The following SLC5A1 variants were observed in gnomAD, a reference collection of about 807,000 sequenced individuals.
SLC5A1 encodes the protein solute carrier family 5 member 1.
A neutral mutation model predicts 73.5 loss-of-function variants in SLC5A1; 42 were observed. That is an observed-to-expected ratio of 0.57 (90% confidence interval 0.45 to 0.74). The LOEUF is 0.74. SLC5A1 is among the 30% of genes least tolerant of loss of function. The pLI is 0.00. For synonymous variants in SLC5A1, 300 were observed against 317.4 expected, an observed-to-expected ratio of 0.95 and a Z score of 0.58; for missense variants, 634 against 855.4, an observed-to-expected ratio of 0.74 and a Z score of 3.23.
chr22:32,072,766 C>A (rs1243339160), intron 5 of SLC5A1, among the ~76,000 whole-genome samples: 1 of 152,180 alleles, frequency 6.6e-6, no homozygotes, highest in African/African-American at 2.4e-5. Flanking sequence ...ACATTTGGTT[C>A]TTTCTTTAAA....
Position 32,110,286 on chromosome 22 carries a change from TGAAGG to T in SLC5A1, c.*77_*81del. ...TTCCTTTAGTCTCGTCCTGTGGTGT[TGAAGG>T]GAAATCAGCCAGTTGTAAATTTTGC... On this transcript the variant is annotated 3_prime_UTR_variant, in exon 15 of 15. Transcript: ENST00000266088. The T allele has an allele frequency of 8.2e-7, 1 of 1,215,002 alleles. No individual in the cohort carries two copies. Among genetic ancestry groups the T allele is most frequent in the Non-Finnish European group, 1.2e-6 (1 of 822,548 alleles). 75.3% of individuals were successfully genotyped at this position (1,215,002 alleles called of 1,614,324 possible).
At chr22:32,050,318 A>G (rs1013653889) in intron 2 of SLC5A1, among the ~76,000 whole-genome samples, 4 of 152,238 alleles carry the variant, frequency 2.6e-5, no homozygotes, top group African/African-American at 4.8e-5. Flanking sequence ...GGCCCAAGGA[A>G]CATATCACAG....
At chr22:32,063,003 G>A (rs1242759282) in intron 2 of SLC5A1, among the ~76,000 whole-genome samples, 14 of 152,094 alleles carry the variant, frequency 9.2e-5, no homozygotes, top group Admixed American at 7.9e-4. Context: ...GCTTGTAGAC[G>A]GCTGCCTTTT....
chr22:32,053,392 CCT>C (rs151212121), intron 2 of SLC5A1, among the ~76,000 whole-genome samples: 6,788 of 151,794 alleles, frequency 0.045, 204 homozygotes, highest in Non-Finnish European at 0.07. Context: ...TTCTCTTTCC[CCT>C]CTCTTCTCTT....
At chr22:32,064,760 C>G (rs1569303816) in intron 2 of SLC5A1, among the ~76,000 whole-genome samples, 1 of 152,166 alleles carries the variant, frequency 6.6e-6, no homozygotes, top group Non-Finnish European at 1.5e-5. Context: ...CTGCTGTCAC[C>G]CTAGTCCAAG....
At chr22:32,066,853 A>G (rs1358243830) in intron 2 of SLC5A1, 82 bp from the exon 3 acceptor site, 5 of 943,572 alleles carry the variant, frequency 5.3e-6, no homozygotes, top group African/African-American at 3.2e-5. Flanking sequence ...CTCTTGGCTG[A>G]CATGTCTCCT....
chr22:32,090,772 G>A lies in SLC5A1; in HGVS notation c.1130-840G>A, dbSNP rs146601788. ...AGGAATGGAATTGATGGGTAATATG[G>A]TAGCTGAATGTTTAACCATCTGAAA... is the stretch of plus-strand genomic sequence containing the variant. On this transcript the variant is annotated intron_variant, in intron 10 of 14. Coordinates refer to ENST00000266088, the MANE Select transcript of SLC5A1 (RefSeq NM_000343.4). Among the ~76,000 whole-genome samples the A allele has an allele frequency of 3.2e-3, 479 of 151,620 alleles. 1 individual carries two copies. Among genetic ancestry groups the A allele is most frequent in the African/African-American group, 0.011 (456 of 41,308 alleles).
At chr22:32,048,905 A>G (rs984629625) in intron 1 of SLC5A1, among the ~76,000 whole-genome samples, 1 of 151,856 alleles carries the variant, frequency 6.6e-6, no homozygotes, top group African/African-American at 2.4e-5. Context: ...ACCAGTCTCT[A>G]CTAAAAATAC....
intron 4 of SLC5A1, among the ~76,000 whole-genome samples, chr22:32,068,266 G>A (rs1049553643): frequency 3.3e-5 from 5 of 152,136 alleles, no homozygotes; most frequent in African/African-American, 9.7e-5. Flanking sequence ...TTATTGGGCT[G>A]GGATAACACC....
rs12159340 is a variant in SLC5A1 at position 32,099,535 on chromosome 22, C to T, written c.1449+184C>T. Among the ~76,000 whole-genome samples the T allele has an allele frequency of 4.4e-3, 662 of 150,812 alleles. 2 individuals carry two copies. The highest frequency in any genetic ancestry group is 0.015 in the African/African-American group (622 of 41,046). On this transcript the variant is annotated intron_variant, in intron 12 of 14. Coordinates refer to ENST00000266088, the MANE Select transcript of SLC5A1 (RefSeq NM_000343.4). ...GGGCTCTCTGTTGGAGTGAGCTCCT[C>T]GGGAGTTGGTATGGGAGGGTCCACG... is the stretch of plus-strand genomic sequence containing the variant.
At chr22:32,082,997 T>A in intron 6 of SLC5A1, 77 bp from the exon 7 acceptor site, 1 of 1,297,358 alleles carries the variant, frequency 7.7e-7, no homozygotes, top group Non-Finnish European at 1.1e-6. Flanking sequence ...AAGTAGAGGG[T>A]GGAGAGTGGG....
intron 6 of SLC5A1, 116 bp downstream of exon 6, chr22:32,082,087 A>T: frequency 1.3e-6 from 1 of 766,118 alleles, no homozygotes; most frequent in Admixed American, 1.9e-5. Context: ...ACACTCAGGT[A>T]AGAGTTTGGG....
chr22:32,066,959 AAC>A lies in SLC5A1; in HGVS notation c.234_235del (p.Ile79TrpfsTer23). The A allele has an allele frequency of 6.2e-7, 1 of 1,613,578 alleles. No homozygotes were observed. The highest frequency in any genetic ancestry group is 8.5e-7 in the Non-Finnish European group (1 of 1,179,608). ...WPIGASLFAS[N>X]IGSGHFVGLA... Reference sequence around the variant, plus strand: ...GATTGGAGCCTCCCTCTTTGCTAGTAACATTGGAAGTGGCCACTTTGTGGGGC... The same window carrying A: ...GATTGGAGCCTCCCTCTTTGCTAGTAATTGGAAGTGGCCACTTTGTGGGGC... On this transcript the variant is annotated frameshift_variant, in exon 3 of 15. Coordinates refer to ENST00000266088, the MANE Select transcript of SLC5A1 (RefSeq NM_000343.4). LOFTEE classifies it high-confidence loss of function.
intron 10 of SLC5A1, among the ~76,000 whole-genome samples, chr22:32,086,557 AG>A (rs2094008745): frequency 6.6e-6 from 1 of 152,228 alleles, no homozygotes; most frequent in African/African-American, 2.4e-5. Flanking sequence ...CCCATCAGTC[AG>A]GCTTGGAAAG....
At chr22:32,080,711 C>T (rs908265228) in intron 5 of SLC5A1, among the ~76,000 whole-genome samples, 2 of 152,176 alleles carry the variant, frequency 1.3e-5, no homozygotes, top group Non-Finnish European at 1.5e-5. Flanking sequence ...AAACAAAAGA[C>T]TCAGCTGGGC....
chr22:32,096,216 C>T (rs1430681104), intron 11 of SLC5A1, among the ~76,000 whole-genome samples: 1 of 152,164 alleles, frequency 6.6e-6, no homozygotes, highest in Non-Finnish European at 1.5e-5. Flanking sequence ...CCTACAGTGG[C>T]GTTTAACTTT....
At chr22:32,107,349 GTGAAAAGAATTCATCCGATT>G (rs1244058963) in intron 14 of SLC5A1, among the ~76,000 whole-genome samples, 1 of 152,200 alleles carries the variant, frequency 6.6e-6, no homozygotes, top group Non-Finnish European at 1.5e-5. Context: ...ACACTGGTGG[GTGAAAAGAATTCATCCGATT>G]TTAACTCAGA....
At chr22:32,105,455 G>A (rs533044960) in intron 14 of SLC5A1, among the ~76,000 whole-genome samples, 29 of 152,012 alleles carry the variant, frequency 1.9e-4, no homozygotes, top group East Asian at 1.9e-4. Flanking sequence ...CACCACGCCC[G>A]GCTAATTTTG....
rs201887751 is a variant in SLC5A1 at position 32,043,432 on chromosome 22, T to G, written c.135+16T>G. ...CGGACTGTGGGTATGCAGCGGGTTC[T>G]GGGATGCGGGTGGGGAGGGTGCGCA... On this transcript the variant is annotated intron_variant, in intron 1 of 14. Transcript: ENST00000266088. The surrounding 1 kb of genome is among the most constrained non-coding windows in gnomAD (Gnocchi z 6.5). The G allele has an allele frequency of 1.2e-6, 2 of 1,613,216 alleles. No individual in the cohort carries two copies. Among genetic ancestry groups the G allele is most frequent in the Non-Finnish European group, 1.7e-6 (2 of 1,179,718 alleles).
Sources: gnomAD v4.1 joint callset for allele counts (sites outside exome capture counted in the v4.1 genomes callset) on GRCh38, gnomAD v4.1.1 for gene constraint, Gnocchi (gnomAD v3.1) non-coding constraint, MANE v1.5 for transcripts, NCBI Gene and HGNC (gene_info 2026-07-23, HGNC 2026-07-21) for gene names.